KLHL24: variants seen among roughly 807,000 people sequenced by gnomAD.
KLHL24 encodes kelch-like protein 24.
Under a neutral mutation model 53.4 loss-of-function variants are expected in KLHL24, and 29 were observed. That is an observed-to-expected ratio of 0.54 (90% CI 0.40 to 0.74). The LOEUF (loss-of-function observed/expected upper bound fraction) is 0.74, where lower values mean the gene tolerates loss of function less well. Among genes scored for constraint, KLHL24 ranks in the 30% least tolerant of loss-of-function variants. KLHL24 has a pLI of 0.00. For synonymous variants in KLHL24, 222 were observed against 253.7 expected (o/e 0.88, Z 1.19); for missense variants, 504 against 744.0 (o/e 0.68, Z 3.75).
At chr3:183,652,344 A>G (rs1270426345) in intron 3 of KLHL24, among the ~76,000 whole-genome samples, 3 of 152,232 alleles carry the variant, frequency 2.0e-5, no homozygotes, top group Non-Finnish European at 4.4e-5. Context: ...ATTGTGAATA[A>G]GCAAGAAATG....
chr3:183,652,272 C>G (rs970736682), intron 3 of KLHL24, among the ~76,000 whole-genome samples: 1 of 151,986 alleles, frequency 6.6e-6, no homozygotes, highest in East Asian at 1.9e-4. Flanking sequence ...AAATACTTAT[C>G]GATTTTAATT....
At chr3:183,670,068 G>A (rs1721129878) in intron 5 of KLHL24, among the ~76,000 whole-genome samples, 1 of 152,170 alleles carries the variant, frequency 6.6e-6, no homozygotes, top group African/African-American at 2.4e-5. Flanking sequence ...TTAGAGACCA[G>A]CCTGGGCAAC....
At chr3:183,670,868 G>A (rs1333099707) in intron 5 of KLHL24, among the ~76,000 whole-genome samples, 166 bp from the exon 6 acceptor site, 1 of 152,044 alleles carries the variant, frequency 6.6e-6, no homozygotes, top group African/African-American at 2.4e-5. Flanking sequence ...TGGTGGTAGG[G>A]GATGATGATT....
At chr3:183,640,675 C>T (rs775131848) in intron 1 of KLHL24, among the ~76,000 whole-genome samples, 1 of 149,782 alleles carries the variant, frequency 6.7e-6, no homozygotes, top group Non-Finnish European at 1.5e-5. Flanking sequence ...TCTTGGCTCA[C>T]TGCAACCTCC....
At chr3:183,639,629 CAAAAAAAAAA>C (rs767908911) in intron 1 of KLHL24, among the ~76,000 whole-genome samples, 1 of 39,480 alleles carries the variant, frequency 2.5e-5, no homozygotes, top group Non-Finnish European at 5.0e-5. Flanking sequence ...GACTCTGTCT[CAAAAAAAAAA>C]AAAAAAAAAA....
chr3:183,648,731 A>G (rs890312442), intron 2 of KLHL24, among the ~76,000 whole-genome samples: 3 of 152,162 alleles, frequency 2.0e-5, no homozygotes, highest in East Asian at 1.9e-4. Flanking sequence ...GCTGGGCACC[A>G]TGCCTCATAC....
In KLHL24 at chr3:183,682,366, T is replaced by C. The variant is rs1712769858; in HGVS notation, c.*3080T>C. The C allele has an allele frequency of 6.6e-6, 1 of 152,566 alleles. No homozygotes were observed. The highest frequency in any genetic ancestry group is 6.5e-5 in the Admixed American group (1 of 15,280). 9.5% of individuals were successfully genotyped at this position (152,566 alleles called of 1,614,324 possible). A position where few individuals can be genotyped will look rare whatever the true frequency, so the allele number is the denominator to read the frequency against. On this transcript the variant is annotated 3_prime_UTR_variant, in exon 8 of 8. Transcript: ENST00000242810. Reference sequence around the variant, plus strand: ...TCTACTGTAATCTTCCCACTGACTTTACTGCACAGGTATGAAATACTAGTG... The same window carrying C: ...TCTACTGTAATCTTCCCACTGACTTCACTGCACAGGTATGAAATACTAGTG...
At chr3:183,638,421 A>G (rs78094233) in intron 1 of KLHL24, among the ~76,000 whole-genome samples, 2,995 of 147,632 alleles carry the variant, frequency 0.02, 93 homozygotes, top group African/African-American at 0.074. Flanking sequence ...ACTATTAATC[A>G]AATAAGTGAC....
chr3:183,647,103 G>A (rs1717382569), intron 2 of KLHL24, among the ~76,000 whole-genome samples: 1 of 145,738 alleles, frequency 6.9e-6, no homozygotes, highest in African/African-American at 2.6e-5. Flanking sequence ...CAGCCACCGC[G>A]CCCGGCCTTG....
At chr3:183,662,188 C>A (rs1368755398) in intron 3 of KLHL24, among the ~76,000 whole-genome samples, 1 of 152,114 alleles carries the variant, frequency 6.6e-6, no homozygotes, top group Non-Finnish European at 1.5e-5. Flanking sequence ...AAATTCTTTT[C>A]TCCCATATTT....
At chr3:183,669,252 T>C (rs780902666) in intron 5 of KLHL24, among the ~76,000 whole-genome samples, 2 of 152,124 alleles carry the variant, frequency 1.3e-5, no homozygotes, top group Non-Finnish European at 2.9e-5. Context: ...CTCAGGAGGC[T>C]GAGGCAGGAG....
At chr3:183,665,167 T>G (rs1333844843) in intron 5 of KLHL24, 128 bp downstream of exon 5, 3 of 609,570 alleles carry the variant, frequency 4.9e-6, no homozygotes, top group Non-Finnish European at 9.0e-6. Context: ...ATTTCTAACC[T>G]CAATAGATAA....
chr3:183,641,308 C>A (rs1212974767), intron 1 of KLHL24, among the ~76,000 whole-genome samples: 1 of 152,008 alleles, frequency 6.6e-6, no homozygotes, highest in African/African-American at 2.4e-5. Flanking sequence ...TCCTGGCCAA[C>A]ATGGTGAAAC....
chr3:183,671,288 T>C lies in KLHL24; in HGVS notation c.1413+66T>C, dbSNP rs925047778. The C allele has an allele frequency of 2.8e-6, 4 of 1,422,722 alleles. No homozygotes were observed. The African/African-American group carries it at 4.3e-5, about 15-fold the overall frequency. The allele number at this position is 1,422,722 out of a possible 1,614,324, so 88.1% of individuals were successfully genotyped here. ...CAAGAAGGGAAATACAGAAGGCTTA[T>C]CAAGTAGGTAGCCAGGTCACATAGT... is the stretch of plus-strand genomic sequence containing the variant. On this transcript the variant is annotated intron_variant, in intron 6 of 7. Transcript: ENST00000242810.
chr3:183,665,951 T>C (rs1318274474), intron 5 of KLHL24, among the ~76,000 whole-genome samples: 1 of 151,186 alleles, frequency 6.6e-6, no homozygotes, highest in Non-Finnish European at 1.5e-5. Flanking sequence ...TGGCATTATC[T>C]AGCTCACTGC....
At chr3:183,648,894 T>C (rs1717709066) in intron 2 of KLHL24, among the ~76,000 whole-genome samples, 1 of 151,994 alleles carries the variant, frequency 6.6e-6, no homozygotes, top group Non-Finnish European at 1.5e-5. Flanking sequence ...TCCCAGCTAC[T>C]CGGGAGGCTG....
chr3:183,679,553 C>T lies in KLHL24; in HGVS notation c.*267C>T. 1 of 378,752 alleles carries T rather than the reference C, an allele frequency of 2.6e-6. No individual in the cohort carries two copies. The highest frequency in any genetic ancestry group is 3.5e-5 in the South Asian group (1 of 28,744). The allele number at this position is 378,752 out of a possible 1,614,324, so 23.5% of individuals were successfully genotyped here. On this transcript the variant is annotated 3_prime_UTR_variant, in exon 8 of 8. Coordinates refer to ENST00000242810, the MANE Select transcript of KLHL24 (RefSeq NM_017644.3). ...ACCTTTGTAAGTATTTGTAAGAAGT[C>T]TATGTGAATTAGGAAATGTCTGTCT... is the stretch of plus-strand genomic sequence containing the variant.
intron 7 of KLHL24, among the ~76,000 whole-genome samples, chr3:183,674,259 C>CTTTCTTTCTTTG (rs1286024660): frequency 1.4e-5 from 2 of 146,670 alleles, no homozygotes; most frequent in Non-Finnish European, 3.0e-5. Flanking sequence ...TTCTTTCTTT[C>CTTTCTTTCTTTG]TTTCTTTCTT....
rs1345604319 is a variant in KLHL24, at chr3:183,683,131, A to C, written c.*3845A>C. On this transcript the variant is annotated 3_prime_UTR_variant, in exon 8 of 8. Coordinates refer to ENST00000242810, the MANE Select transcript of KLHL24 (RefSeq NM_017644.3). ...GCTAATTTTTTTGTATTTTTAGTAG[A>C]GACGGGGTTTAGTAGAGACGGATCA... 1 of 151,606 alleles carries C rather than the reference A, an allele frequency of 6.6e-6. No individual in the cohort carries two copies. Among genetic ancestry groups the C allele is most frequent in the Admixed American group, 6.6e-5 (1 of 15,204 alleles). The allele number at this position is 151,606 out of a possible 1,614,324, so 9.4% of individuals were successfully genotyped here.
Sources: gnomAD v4.1 joint callset for allele counts (sites outside exome capture counted in the v4.1 genomes callset) on GRCh38, gnomAD v4.1.1 for gene constraint, MANE v1.5 for transcripts, NCBI Gene and HGNC (gene_info 2026-07-23, HGNC 2026-07-21) for gene names.